Variants in KHDRBS2 observed in about 807,000 individuals in gnomAD.
KHDRBS2 encodes KH RNA binding domain containing, signal transduction associated 2.
Under a neutral mutation model 44.3 loss-of-function variants are expected in KHDRBS2, and 26 were observed. The observed-to-expected ratio is 0.59, with a 90% CI of 0.43 to 0.81. The LOEUF is 0.81. Among genes scored for constraint, KHDRBS2 ranks in the 40% least tolerant of loss-of-function variants. The pLI, the probability that KHDRBS2 is intolerant of heterozygous loss-of-function variation, is 0.00. For synonymous variants in KHDRBS2, 194 were observed against 151.1 expected, an observed-to-expected ratio of 1.28 and a Z score of -2.08; for missense variants, 476 against 433.1, an observed-to-expected ratio of 1.10 and a Z score of -0.88.
At chr6:61,867,626 G>A (rs1583244663) in intron 6 of KHDRBS2, among the ~76,000 whole-genome samples, 1 of 152,154 alleles carries the variant, frequency 6.6e-6, no homozygotes, top group South Asian at 2.1e-4. Context: ...ATCTTTGGAT[G>A]GGGTTTTTTG....
the KHDRBS2 span, among the ~76,000 whole-genome samples, chr6:61,654,685 G>A: frequency 6.6e-6 from 1 of 151,016 alleles, no homozygotes; most frequent in East Asian, 2.1e-4. Context: ...TTTCTTCTCT[G>A]AGTTGCTCAA....
intron 2 of KHDRBS2, among the ~76,000 whole-genome samples, chr6:62,145,496 G>A (rs1584942068): frequency 6.6e-6 from 1 of 151,760 alleles, no homozygotes; most frequent in African/African-American, 2.4e-5. Flanking sequence ...TAGGTACAGT[G>A]TTTTCTAGCC....
chr6:61,994,168 A>G (rs184470280), intron 3 of KHDRBS2, among the ~76,000 whole-genome samples: 12 of 152,130 alleles, frequency 7.9e-5, no homozygotes, highest in Admixed American at 3.3e-4. Context: ...CCTAATCTCA[A>G]TGGTCTCAGG....
intron 2 of KHDRBS2, among the ~76,000 whole-genome samples, chr6:62,162,904 G>T (rs1294235401): frequency 3.3e-5 from 5 of 151,552 alleles, no homozygotes; most frequent in Admixed American, 1.3e-4. Flanking sequence ...CAGTGTAGAT[G>T]ACAGGTAGAG....
At chr6:62,254,897 C>T (rs910480540) in intron 1 of KHDRBS2, among the ~76,000 whole-genome samples, 8 of 152,026 alleles carry the variant, frequency 5.3e-5, no homozygotes, top group Non-Finnish European at 7.4e-5. Flanking sequence ...AATTGTTCAA[C>T]TAAATTGATA....
chr6:61,762,657 T>C (rs1457535558), intron 6 of KHDRBS2, among the ~76,000 whole-genome samples: 1 of 152,210 alleles, frequency 6.6e-6, no homozygotes, highest in Non-Finnish European at 1.5e-5. Flanking sequence ...CTCAGTTTTC[T>C]AGCCAGCAGA....
chr6:62,071,183 G>A (rs1794982330), intron 2 of KHDRBS2, among the ~76,000 whole-genome samples: 1 of 151,942 alleles, frequency 6.6e-6, no homozygotes, highest in Non-Finnish European at 1.5e-5. Context: ...TTGTTGATGG[G>A]GTTGTTTGTT....
intron 6 of KHDRBS2, among the ~76,000 whole-genome samples, chr6:61,777,229 G>A (rs2127579821): frequency 6.6e-6 from 1 of 152,162 alleles, no homozygotes; most frequent in African/African-American, 2.4e-5. Flanking sequence ...CATGGCACAT[G>A]TATACATATG....
chr6:62,259,971 T>C (rs958841595), intron 1 of KHDRBS2, among the ~76,000 whole-genome samples: 5 of 152,040 alleles, frequency 3.3e-5, no homozygotes, highest in African/African-American at 1.2e-4. Flanking sequence ...GGGTAGAATC[T>C]GTTACATGTA....
intron 2 of KHDRBS2, among the ~76,000 whole-genome samples, chr6:62,135,286 G>C (rs1443661679): frequency 6.6e-6 from 1 of 152,024 alleles, no homozygotes; most frequent in Non-Finnish European, 1.5e-5. Flanking sequence ...TTCTCTCTTT[G>C]CCTGCTGTCA....
At chr6:61,925,588 C>T (rs1216982474) in intron 4 of KHDRBS2, among the ~76,000 whole-genome samples, 1 of 151,800 alleles carries the variant, frequency 6.6e-6, no homozygotes, top group Non-Finnish European at 1.5e-5. Flanking sequence ...GTGGTGTGCA[C>T]CTGTACACCT....
At chr6:62,244,107 TAA>T in intron 1 of KHDRBS2, among the ~76,000 whole-genome samples, 1 of 152,152 alleles carries the variant, frequency 6.6e-6, no homozygotes, top group Middle Eastern at 3.2e-3. Flanking sequence ...TCTGCTACTT[TAA>T]AAAAGATTCC....
chr6:61,910,218 C>G (rs1805806037), intron 4 of KHDRBS2, among the ~76,000 whole-genome samples: 1 of 152,154 alleles, frequency 6.6e-6, no homozygotes, highest in South Asian at 2.1e-4. Flanking sequence ...TGTTATTTAG[C>G]AAAACAGAAC....
chr6:62,118,218 T>G (rs1806749575), intron 2 of KHDRBS2, among the ~76,000 whole-genome samples: 1 of 152,246 alleles, frequency 6.6e-6, no homozygotes, highest in Non-Finnish European at 1.5e-5. Context: ...TTTGTGGACT[T>G]ATTTCTAGGT....
intron 1 of KHDRBS2, among the ~76,000 whole-genome samples, chr6:62,234,840 A>G (rs569860652): frequency 1.3e-5 from 2 of 152,070 alleles, no homozygotes; most frequent in African/African-American, 2.4e-5. Context: ...AGATTTGACA[A>G]AGATTAAAAC....
rs547465036 is a variant in KHDRBS2 at position 61,820,735 on chromosome 6, A to G, written c.810+73900T>C. Among the ~76,000 whole-genome samples the G allele has an allele frequency of 2.0e-5, 3 of 152,166 alleles. No homozygotes were observed. In the East Asian group the frequency reaches 5.8e-4, roughly 29 times the overall value. On this transcript the variant is annotated intron_variant, in intron 6 of 8. Transcript: ENST00000281156. ...ACAGACATACACAATCCATTTATGCAGAAGGGATCTCATTTGCTGGCAGAT... is the reference window on the plus strand; with the variant it reads ...ACAGACATACACAATCCATTTATGCGGAAGGGATCTCATTTGCTGGCAGAT...
intron 6 of KHDRBS2, among the ~76,000 whole-genome samples, chr6:61,825,096 C>G (rs558710602): frequency 2.0e-5 from 3 of 151,856 alleles, no homozygotes; most frequent in Non-Finnish European, 4.4e-5. Flanking sequence ...GTTATTTTAG[C>G]TGAAATCAAG....
intron 4 of KHDRBS2, among the ~76,000 whole-genome samples, chr6:61,946,368 G>C (rs1813376325): frequency 6.6e-6 from 1 of 152,154 alleles, no homozygotes; most frequent in Admixed American, 6.6e-5. Flanking sequence ...AAGATAGAAT[G>C]GCATAAAGCC....
At chr6:61,937,797 T>C (rs1483481363) in intron 4 of KHDRBS2, among the ~76,000 whole-genome samples, 1 of 152,110 alleles carries the variant, frequency 6.6e-6, no homozygotes, top group African/African-American at 2.4e-5. Flanking sequence ...AATTAAACTC[T>C]ATCCTTTAAG....
Sources: gnomAD v4.1 joint callset for allele counts (sites outside exome capture counted in the v4.1 genomes callset) on GRCh38, gnomAD v4.1.1 for gene constraint, MANE v1.5 for transcripts, NCBI Gene and HGNC (gene_info 2026-07-23, HGNC 2026-07-21) for gene names.